GASK1B: variants seen among roughly 807,000 people sequenced by gnomAD.
The protein encoded by GASK1B is golgi associated kinase 1B, also known as Golgi-associated kinase 1B.
In GASK1B, 34 loss-of-function variants were observed where a neutral mutation model predicts 42.8. The observed-to-expected ratio is 0.79, with a 90% confidence interval of 0.60 to 1.06. GASK1B has a LOEUF of 1.06. GASK1B is among the 50% of genes least tolerant of loss of function. The probability of loss-of-function intolerance (pLI) is 0.00; values close to 1 mark genes in which losing one functional copy is unlikely to be tolerated. For missense variants in GASK1B, 686 were observed against 661.0 expected, an observed-to-expected ratio of 1.04 and a Z score of -0.42; for synonymous variants, 262 against 259.1, an observed-to-expected ratio of 1.01 and a Z score of -0.11.
At chr4:158,133,813 G>T (rs941240176) in intron 3 of GASK1B, among the ~76,000 whole-genome samples, 2 of 152,150 alleles carry the variant, frequency 1.3e-5, no homozygotes, top group African/African-American at 4.8e-5. Context: ...CTGAAAACAG[G>T]TGTGTGCATT....
In GASK1B at chr4:158,127,481, T is replaced by C. The variant is rs756417549; in HGVS notation, c.1486A>G (p.Ile496Val). ...ATAAGAATTTTGGCTCTGTGTTCTATTACATCGATAAGCTTTTCAATTCCT... is the reference window on the plus strand; with the variant it reads ...ATAAGAATTTTGGCTCTGTGTTCTACTACATCGATAAGCTTTTCAATTCCT... ...RQGIEKLIDV[I>V]EHRAKILITY... The change falls in exon 5 of 5, where the codon ATA (isoleucine) becomes GTA (valine). Residue 496 changes from isoleucine to valine, a missense_variant. Transcript: ENST00000585682. 6.2e-7 allele frequency: 1 copy of C among 1,613,818 alleles called. No homozygotes were observed. Among genetic ancestry groups the C allele is most frequent in the Middle Eastern group, 1.7e-4 (1 of 6,054 alleles).
At chr4:158,168,895 TGG>T (rs1732337611) in intron 2 of GASK1B, 1 of 152,188 alleles carries the variant, frequency 6.6e-6, no homozygotes, top group Non-Finnish European at 1.5e-5. Context: ...ACAGTCAGTG[TGG>T]GCCTGTTGTC....
rs1731136224 is a variant in GASK1B, at chr4:158,141,810, T to C, written c.1126-10798A>G. On this transcript the variant is annotated intron_variant, in intron 3 of 4. Coordinates refer to ENST00000585682, the MANE Select transcript of GASK1B (RefSeq NM_001128424.2). ...TTTTACTAGAGACGGGGTTTCACTG[T>C]GTTAGCCAGGATGGTTTCGATGTCC... Among the ~76,000 whole-genome samples, 4 of 151,242 alleles carry C rather than the reference T, an allele frequency of 2.6e-5. No individual in the cohort carries two copies. In the South Asian group the frequency reaches 8.4e-4, roughly 32 times the overall value.
At chr4:158,158,065 C>A (rs926482759) in intron 2 of GASK1B, among the ~76,000 whole-genome samples, 3 of 152,014 alleles carry the variant, frequency 2.0e-5, no homozygotes, top group East Asian at 3.9e-4. Context: ...GGTTAGAGCT[C>A]AGACTCTGGA....
chr4:158,145,413 A>G (rs191421689), intron 3 of GASK1B, among the ~76,000 whole-genome samples: 7 of 152,320 alleles, frequency 4.6e-5, no homozygotes, highest in Admixed American at 4.6e-4. Flanking sequence ...ATTTATGAAT[A>G]TAAGTTTATT....
chr4:158,162,676 A>T (rs916803162), intron 2 of GASK1B, among the ~76,000 whole-genome samples: 6 of 152,152 alleles, frequency 3.9e-5, no homozygotes, highest in Non-Finnish European at 5.9e-5. Context: ...GGACGATGAA[A>T]ATAGGGGTGG....
intron 3 of GASK1B, among the ~76,000 whole-genome samples, chr4:158,140,132 C>G (rs1217260522): frequency 6.6e-6 from 1 of 152,136 alleles, no homozygotes; most frequent in South Asian, 2.1e-4. Context: ...GATTTAACCA[C>G]TACTGCATAT....
rs368460078 is a variant in GASK1B, at chr4:158,170,541, C to G, written c.835G>C (p.Ala279Pro). The change falls in exon 2 of 5, where the codon GCC (alanine) becomes CCC (proline). Residue 279 changes from alanine to proline, a missense_variant. Physicochemically the swap from Ala to Pro is conservative, Grantham distance 27 (BLOSUM62 -1). Transcript: ENST00000585682. ...KQPLDMSEVF[A>P]FHLDRILGLN... ...CCCAGGATCCTGTCTAGGTGGAAGG[C>G]AAACACCTCACTCATGTCCAAGGGC... 2 of 1,614,106 alleles carry G rather than the reference C, an allele frequency of 1.2e-6. No homozygotes were observed. Among genetic ancestry groups the G allele is most frequent in the African/African-American group, 2.7e-5 (2 of 74,944 alleles).
At chr4:158,133,938 G>A (rs1010052956) in intron 3 of GASK1B, among the ~76,000 whole-genome samples, 1 of 152,148 alleles carries the variant, frequency 6.6e-6, no homozygotes, top group African/African-American at 2.4e-5. Flanking sequence ...AACACTGTGT[G>A]TACACCTGCA....
chr4:158,158,411 T>C (rs950623571), intron 2 of GASK1B, among the ~76,000 whole-genome samples: 16 of 152,076 alleles, frequency 1.1e-4, no homozygotes, highest in African/African-American at 3.9e-4. Context: ...TATAAACAGA[T>C]AAATGTCAAG....
At chr4:158,170,375 A>T (rs749997535) in intron 2 of GASK1B, 91 bp downstream of exon 2, 1 of 1,614,152 alleles carries the variant, frequency 6.2e-7, no homozygotes, top group Non-Finnish European at 8.5e-7. Context: ...GTGGGTGGAG[A>T]AAAATCATTT....
chr4:158,142,105 C>T (rs902453459), intron 3 of GASK1B, among the ~76,000 whole-genome samples: 25 of 148,054 alleles, frequency 1.7e-4, no homozygotes, highest in African/African-American at 4.2e-4. Context: ...CCACCACGCC[C>T]GGCTAATTTT....
intron 3 of GASK1B, among the ~76,000 whole-genome samples, chr4:158,141,243 TA>T (rs1481337980): frequency 1.3e-5 from 2 of 152,010 alleles, no homozygotes; most frequent in East Asian, 3.9e-4. Context: ...ACGGAAGAGA[TA>T]TGCTTTGAGA....
rs199530247 is a variant in GASK1B at position 158,141,597 on chromosome 4, C to CTT, written c.1126-10587_1126-10586dup. Among the ~76,000 whole-genome samples the CTT allele has an allele frequency of 1.2e-3, 134 of 113,642 alleles. 3 individuals carry two copies. Among genetic ancestry groups the CTT allele is most frequent in the African/African-American group, 4.0e-3 (115 of 28,904 alleles). 74.6% of individuals were successfully genotyped at this position (113,642 alleles called of 152,430 possible). ...CATAGGTCAGTGCCTTTGTATTTAC[C>CTT]TTTTTTTTTTTTTTTTTTTTTTTTT... On this transcript the variant is annotated intron_variant, in intron 3 of 4. Coordinates refer to ENST00000585682, the MANE Select transcript of GASK1B (RefSeq NM_001128424.2).
intron 3 of GASK1B, among the ~76,000 whole-genome samples, chr4:158,141,801 G>T (rs1468044053): frequency 2.0e-5 from 3 of 151,054 alleles, no homozygotes; most frequent in African/African-American, 7.3e-5. Context: ...TAGAGACGGG[G>T]TTTCACTGTG....
chr4:158,162,612 C>A (rs1405262623), intron 2 of GASK1B, among the ~76,000 whole-genome samples: 1 of 152,202 alleles, frequency 6.6e-6, no homozygotes, highest in Non-Finnish European at 1.5e-5. Flanking sequence ...TTGATGCCCT[C>A]ATTCTGTCCA....
chr4:158,148,737 G>C (rs6819576), intron 3 of GASK1B, among the ~76,000 whole-genome samples: 134,390 of 152,130 alleles, frequency 0.88, 60,503 homozygotes, highest in East Asian at 0.98. Flanking sequence ...GAGGGGGCAA[G>C]AGATTTGAAA....
intron 3 of GASK1B, among the ~76,000 whole-genome samples, chr4:158,133,240 G>T (rs930889407): frequency 2.0e-5 from 3 of 151,988 alleles, no homozygotes; most frequent in African/African-American, 7.3e-5. Flanking sequence ...GATTCTCAGA[G>T]AATCTGTGTA....
intron 3 of GASK1B, among the ~76,000 whole-genome samples, chr4:158,135,793 A>AT (rs1032776307): frequency 4.1e-4 from 63 of 152,284 alleles, no homozygotes; most frequent in African/African-American, 1.4e-3. Flanking sequence ...CTTCCGTAGG[A>AT]TTTCAGAGAA....
Sources: allele counts gnomAD v4.1 joint callset (sites outside exome capture counted in the v4.1 genomes callset), GRCh38; gene constraint gnomAD v4.1.1; transcripts MANE v1.5; gene names NCBI Gene and HGNC (gene_info 2026-07-23, HGNC 2026-07-21).